The following TCF12 variants were observed in gnomAD, a reference collection of about 807,000 sequenced individuals.
TCF12 encodes the protein transcription factor 12.
In TCF12, 45 loss-of-function variants were observed where a neutral mutation model predicts 86.0. The observed-to-expected ratio is 0.52, with a 90% CI of 0.41 to 0.67. The LOEUF (loss-of-function observed/expected upper bound fraction) is 0.67. Ranked by LOEUF, TCF12 falls within the 30% of genes least tolerant of loss-of-function variation. TCF12 has a pLI of 0.00. For synonymous variants in TCF12, 330 were observed against 299.6 expected (o/e 1.10, Z -1.05); for missense variants, 881 against 859.9 (o/e 1.02, Z -0.31).
chr15:57,176,343 G>A (rs1257189380), intron 6 of TCF12, among the ~76,000 whole-genome samples: 2 of 152,214 alleles, frequency 1.3e-5, no homozygotes, highest in African/African-American at 4.8e-5. Context: ...GTATGATTGT[G>A]TATGTGCTTC....
chr15:57,283,305 G>A (rs1419338119), intron 20 of TCF12, among the ~76,000 whole-genome samples: 2 of 151,666 alleles, frequency 1.3e-5, no homozygotes, highest in African/African-American at 4.9e-5. Context: ...TGTTGCCCAG[G>A]CTGGAGTGCA....
At chr15:56,918,328 C>G (rs773679463), upstream of TCF12, 1 of 449,020 alleles carries the variant, frequency 2.2e-6, no homozygotes, top group Non-Finnish European at 4.5e-6. Context: ...GGCCGAGAAC[C>G]AGCAAGACCA....
intron 8 of TCF12, among the ~76,000 whole-genome samples, chr15:57,207,942 A>AAT (rs1452525895): frequency 1.3e-5 from 2 of 152,084 alleles, no homozygotes; most frequent in Non-Finnish European, 2.9e-5. Context: ...AAAATCAACA[A>AAT]ATATATACTA....
At chr15:57,119,997 A>G (rs1362014725) in intron 5 of TCF12, among the ~76,000 whole-genome samples, 1 of 152,182 alleles carries the variant, frequency 6.6e-6, no homozygotes, top group Non-Finnish European at 1.5e-5. Context: ...ACCTGCTTAT[A>G]ATTACACATT....
chr15:57,032,588 G>A (rs1247941574), intron 3 of TCF12, among the ~76,000 whole-genome samples: 1 of 152,020 alleles, frequency 6.6e-6, no homozygotes, highest in Non-Finnish European at 1.5e-5. Context: ...GGGACTACAG[G>A]CATATGCCAC....
intron 8 of TCF12, among the ~76,000 whole-genome samples, chr15:57,202,465 T>A (rs2057591763): frequency 6.8e-6 from 1 of 146,478 alleles, no homozygotes; most frequent in South Asian, 2.2e-4. Flanking sequence ...AGACAGAGTC[T>A]TGCTCTGTCT....
At chr15:57,135,458 A>G (rs1414197732) in intron 5 of TCF12, among the ~76,000 whole-genome samples, 1 of 152,160 alleles carries the variant, frequency 6.6e-6, no homozygotes, top group South Asian at 2.1e-4. Flanking sequence ...TCTTTACGGT[A>G]GTATCCAAAA....
Position 57,287,528 on chromosome 15 carries a change from G to T in TCF12, c.*1383G>T, listed in dbSNP as rs1417226671. On this transcript the variant is annotated 3_prime_UTR_variant, in exon 21 of 21. Coordinates refer to ENST00000333725, the MANE Select transcript of TCF12 (RefSeq NM_207037.2). ...TCTCTGTCTCTAATCCTTAGGAGTT[G>T]TTTTAAAAGACATAATCACTTTGAA... The T allele has an allele frequency of 6.6e-6, 1 of 152,610 alleles. No individual in the cohort carries two copies. Among genetic ancestry groups the T allele is most frequent in the African/African-American group, 2.4e-5 (1 of 41,430 alleles). 9.5% of individuals were successfully genotyped at this position (152,610 alleles called of 1,614,324 possible). A position where few individuals can be genotyped will look rare whatever the true frequency, so the allele number is the denominator to read the frequency against.
chr15:56,957,214 A>C (rs1042353986), intron 3 of TCF12, among the ~76,000 whole-genome samples: 1 of 152,200 alleles, frequency 6.6e-6, no homozygotes, highest in South Asian at 2.1e-4. Flanking sequence ...TGAATTACCC[A>C]GTCTTTGGTA....
At chr15:57,139,324 T>TA (rs1437080074) in intron 5 of TCF12, among the ~76,000 whole-genome samples, 4 of 152,182 alleles carry the variant, frequency 2.6e-5, no homozygotes, top group Admixed American at 2.6e-4. Context: ...TTACATACAC[T>TA]AAATTTTCAA....
intron 3 of TCF12, among the ~76,000 whole-genome samples, chr15:56,978,888 T>C (rs564774433): frequency 6.6e-6 from 1 of 152,340 alleles, no homozygotes; most frequent in East Asian, 1.9e-4. Context: ...ATTTTCTTTT[T>C]AATTTGTCTT....
chr15:56,978,046 C>A (rs1482602404), intron 3 of TCF12, among the ~76,000 whole-genome samples: 2 of 152,164 alleles, frequency 1.3e-5, no homozygotes, highest in Non-Finnish European at 2.9e-5. Context: ...AAAGATCTGT[C>A]TTCGATGCAT....
At chr15:57,139,766 A>G (rs1449077292) in intron 5 of TCF12, among the ~76,000 whole-genome samples, 2 of 152,202 alleles carry the variant, frequency 1.3e-5, no homozygotes, top group Non-Finnish European at 2.9e-5. Context: ...ATGACACTCA[A>G]GAAAAAAGTA....
intron 5 of TCF12, among the ~76,000 whole-genome samples, chr15:57,097,165 T>C (rs2049381436): frequency 6.6e-6 from 1 of 152,138 alleles, no homozygotes; most frequent in Non-Finnish European, 1.5e-5. Flanking sequence ...TATGAAAAAT[T>C]CTGAAATCTC....
intron 8 of TCF12, among the ~76,000 whole-genome samples, chr15:57,206,243 C>T (rs1183891670): frequency 2.0e-5 from 3 of 152,160 alleles, no homozygotes; most frequent in Admixed American, 6.6e-5. Context: ...TGGCTTATGC[C>T]TGTAATCCCA....
At chr15:57,237,199 A>G (rs1318360044) in intron 12 of TCF12, among the ~76,000 whole-genome samples, 5 of 151,950 alleles carry the variant, frequency 3.3e-5, no homozygotes, top group Non-Finnish European at 7.4e-5. Flanking sequence ...TAATCTGGAT[A>G]AATGGTCAGT....
In TCF12 at chr15:57,075,451, A is replaced by G. The variant is rs74750265; in HGVS notation, c.222+11628A>G. Among the ~76,000 whole-genome samples the G allele has an allele frequency of 3.3e-4, 50 of 152,244 alleles. 1 individual carries two copies. In the East Asian group the frequency reaches 7.5e-3, roughly 23 times the overall value. On this transcript the variant is annotated intron_variant, in intron 4 of 20. Coordinates refer to ENST00000333725, the MANE Select transcript of TCF12 (RefSeq NM_207037.2). The stretch of plus-strand genomic sequence containing the variant: ...ATTCCACTATTTCCTTGTCACTGAA[A>G]TTAGTTGTGGAAAACAAAAATCATC...
intron 18 of TCF12, among the ~76,000 whole-genome samples, chr15:57,271,785 T>C (rs2061156702): frequency 6.6e-6 from 1 of 152,226 alleles, no homozygotes; most frequent in Admixed American, 6.5e-5. Context: ...ATCAGCTTTA[T>C]TGAGGCTTAA....
At chr15:57,117,257 G>T (rs1461011156) in intron 5 of TCF12, among the ~76,000 whole-genome samples, 4 of 151,888 alleles carry the variant, frequency 2.6e-5, no homozygotes, top group African/African-American at 9.7e-5. Flanking sequence ...GGTTGCCCAG[G>T]TTGGGCTCAA....
Sources: gnomAD v4.1 joint callset for allele counts (sites outside exome capture counted in the v4.1 genomes callset) on GRCh38, gnomAD v4.1.1 for gene constraint, MANE v1.5 for transcripts, NCBI Gene and HGNC (gene_info 2026-07-23, HGNC 2026-07-21) for gene names.